Variants in HPSE2 observed in about 807,000 individuals in gnomAD.
HPSE2 encodes heparanase 2 (inactive).
Under a neutral mutation model 60.5 loss-of-function variants are expected in HPSE2, and 38 were observed. The observed-to-expected ratio is 0.63, with a 90% CI of 0.48 to 0.82. The LOEUF (loss-of-function observed/expected upper bound fraction) is 0.82. Ranked by LOEUF, HPSE2 falls within the 40% of genes least tolerant of loss-of-function variation. The probability of loss-of-function intolerance (pLI) is 0.00; values close to 1 mark genes in which losing one functional copy is unlikely to be tolerated. For synonymous variants in HPSE2, 295 were observed against 293.2 expected (o/e 1.01, Z -0.06); for missense variants, 713 against 740.4 (o/e 0.96, Z 0.43).
intron 2 of HPSE2, among the ~76,000 whole-genome samples, chr10:99,153,436 C>T (rs1371196298): frequency 6.6e-6 from 1 of 152,196 alleles, no homozygotes; most frequent in Non-Finnish European, 1.5e-5. Context: ...TCAAGTGGGT[C>T]CCTGACCCCT....
intron 3 of HPSE2, among the ~76,000 whole-genome samples, chr10:98,995,496 C>T (rs1334092652): frequency 3.9e-5 from 6 of 152,106 alleles, no homozygotes; most frequent in Non-Finnish European, 8.8e-5. Flanking sequence ...TTAGTTCAAC[C>T]TACCTCTTTG....
At chr10:98,902,847 GTGGATAGA>G (rs1428896645) in intron 3 of HPSE2, among the ~76,000 whole-genome samples, 1 of 152,084 alleles carries the variant, frequency 6.6e-6, no homozygotes, top group Non-Finnish European at 1.5e-5. Flanking sequence ...AGATTAATGG[GTGGATAGA>G]TGGATAGATA....
At chr10:98,553,663 C>A (rs1352764607) in intron 9 of HPSE2, among the ~76,000 whole-genome samples, 1 of 152,248 alleles carries the variant, frequency 6.6e-6, no homozygotes, top group Non-Finnish European at 1.5e-5. Flanking sequence ...GCTAATATCA[C>A]CTCTCACCTT....
intron 9 of HPSE2, among the ~76,000 whole-genome samples, chr10:98,600,855 T>TTA (rs1169958655): frequency 1.4e-5 from 2 of 141,928 alleles, no homozygotes; most frequent in African/African-American, 2.6e-5. Context: ...CACACACATA[T>TTA]TATATATATA....
chr10:98,621,877 C>T (rs1946083721), intron 7 of HPSE2, among the ~76,000 whole-genome samples: 1 of 152,226 alleles, frequency 6.6e-6, no homozygotes, highest in South Asian at 2.1e-4. Context: ...TGCATGCTGG[C>T]CCAGCCCTGA....
chr10:98,813,614 C>T (rs1428203456), intron 3 of HPSE2, among the ~76,000 whole-genome samples: 1 of 152,184 alleles, frequency 6.6e-6, no homozygotes, highest in Non-Finnish European at 1.5e-5. Context: ...ATTCTGGAAT[C>T]AATCAGATTG....
At chr10:98,724,472 C>G (rs1589712407) in intron 4 of HPSE2, among the ~76,000 whole-genome samples, 2 of 152,126 alleles carry the variant, frequency 1.3e-5, no homozygotes, top group African/African-American at 2.4e-5. Flanking sequence ...CTGTAGATGT[C>G]TATTAGGTCC....
At chr10:98,994,274 C>A (rs1449925140) in intron 3 of HPSE2, among the ~76,000 whole-genome samples, 3 of 152,140 alleles carry the variant, frequency 2.0e-5, no homozygotes, top group South Asian at 4.1e-4. Flanking sequence ...CTGCCCAGGT[C>A]TCAGTTTCAC....
chr10:98,714,108 C>G (rs1948736924), intron 5 of HPSE2, among the ~76,000 whole-genome samples: 1 of 151,792 alleles, frequency 6.6e-6, no homozygotes, highest in African/African-American at 2.4e-5. Context: ...TTAATTGATT[C>G]TCTATATCAA....
chr10:98,893,255 C>T (rs1022652455), intron 3 of HPSE2, among the ~76,000 whole-genome samples: 2 of 151,876 alleles, frequency 1.3e-5, no homozygotes, highest in African/African-American at 4.8e-5. Context: ...TTAGTAGAGA[C>T]AGGGTTTCTC....
At chr10:98,602,748 T>C (rs1267683190) in intron 9 of HPSE2, among the ~76,000 whole-genome samples, 2 of 152,162 alleles carry the variant, frequency 1.3e-5, no homozygotes, top group Admixed American at 1.3e-4. Context: ...GACAACTGTA[T>C]CTACATGCAA....
intron 4 of HPSE2, among the ~76,000 whole-genome samples, chr10:98,725,850 G>A (rs1949061421): frequency 2.0e-5 from 3 of 152,232 alleles, no homozygotes; most frequent in African/African-American, 7.2e-5. Context: ...CTTCTCAAAA[G>A]AAGACATTTA....
At chr10:98,645,317 G>A (rs1166210465) in intron 6 of HPSE2, among the ~76,000 whole-genome samples, 1 of 152,176 alleles carries the variant, frequency 6.6e-6, no homozygotes, top group African/African-American at 2.4e-5. Context: ...TTGACGTGGG[G>A]GTCTTTTTCA....
chr10:99,176,772 C>T (rs111861696), intron 2 of HPSE2, among the ~76,000 whole-genome samples: 1,650 of 151,976 alleles, frequency 0.011, 25 homozygotes, highest in East Asian at 0.088. Flanking sequence ...ACAGAGAACA[C>T]CATAAAGATA....
intron 2 of HPSE2, among the ~76,000 whole-genome samples, chr10:99,179,748 G>GAAA (rs149955639): frequency 1.4e-5 from 2 of 146,592 alleles, no homozygotes. Context: ...CACAGAATGA[G>GAAA]AAAAAAAAAA....
chr10:98,652,643 A>G (rs1235490503), intron 6 of HPSE2, among the ~76,000 whole-genome samples: 1 of 152,168 alleles, frequency 6.6e-6, no homozygotes, highest in Non-Finnish European at 1.5e-5. Flanking sequence ...TCCATTCTCC[A>G]GGCAGTGCAA....
chr10:99,267,738 C>A, the HPSE2 span, among the ~76,000 whole-genome samples: 4 of 151,084 alleles, frequency 2.6e-5, no homozygotes, highest in Non-Finnish European at 5.9e-5. Context: ...CAAAATCATG[C>A]CACTGCATTC....
intron 9 of HPSE2, among the ~76,000 whole-genome samples, chr10:98,528,433 C>T (rs1166718093): frequency 6.6e-6 from 1 of 152,086 alleles, no homozygotes; most frequent in East Asian, 1.9e-4. Flanking sequence ...TTTTAGAGGG[C>T]ATTTCCGGAG....
At chr10:98,864,743 GT>G (rs1041210123) in intron 3 of HPSE2, among the ~76,000 whole-genome samples, 3 of 151,896 alleles carry the variant, frequency 2.0e-5, no homozygotes, top group East Asian at 1.9e-4. Flanking sequence ...GTATGACCAG[GT>G]TTTTTTTCTT....
Sources: allele counts gnomAD v4.1 joint callset (sites outside exome capture counted in the v4.1 genomes callset), GRCh38; gene constraint gnomAD v4.1.1; transcripts MANE v1.5; gene names NCBI Gene and HGNC (gene_info 2026-07-23, HGNC 2026-07-21).